Variants in TTC7A observed in about 807,000 individuals in gnomAD.
TTC7A encodes the protein tetratricopeptide repeat protein 7A.
A neutral mutation model predicts 103.7 loss-of-function variants in TTC7A; 110 were observed. The ratio of observed to expected loss-of-function variants is 1.06; its 90% CI spans 0.91 to 1.24. TTC7A has a LOEUF of 1.24. Ranked by LOEUF, TTC7A falls within the 50% of genes most tolerant of loss-of-function variation. The pLI is 0.00. For synonymous variants in TTC7A, 521 were observed against 467.9 expected (o/e 1.11, Z -1.47); for missense variants, 1,340 against 1,116.3 (o/e 1.20, Z -2.86).
intron 1 of TTC7A, among the ~76,000 whole-genome samples, chr2:46,944,112 C>G (rs1356853180): frequency 6.6e-6 from 1 of 152,160 alleles, no homozygotes; most frequent in Non-Finnish European, 1.5e-5. Flanking sequence ...CAGGATGGAG[C>G]AGGGGAACCC....
chr2:46,970,551 C>T (rs748942674), intron 3 of TTC7A, among the ~76,000 whole-genome samples: 7 of 152,360 alleles, frequency 4.6e-5, no homozygotes, highest in Non-Finnish European at 8.8e-5. Context: ...CACATCTCTC[C>T]GGGGACTACA....
chr2:47,028,557 G>C (rs1319897935), intron 14 of TTC7A, among the ~76,000 whole-genome samples: 2 of 152,150 alleles, frequency 1.3e-5, no homozygotes, highest in African/African-American at 2.4e-5. Flanking sequence ...TGGGACCCAT[G>C]GTGACCTCTG....
At chr2:47,063,486 T>C (rs1683951474) in intron 19 of TTC7A, among the ~76,000 whole-genome samples, 1 of 152,248 alleles carries the variant, frequency 6.6e-6, no homozygotes, top group African/African-American at 2.4e-5. Context: ...CTAGCTGTCA[T>C]TCTAGGTCAG....
At chr2:47,024,822 C>T (rs924141883) in intron 14 of TTC7A, among the ~76,000 whole-genome samples, 1 of 152,128 alleles carries the variant, frequency 6.6e-6, no homozygotes, top group Non-Finnish European at 1.5e-5. Context: ...ATAGGGACCT[C>T]CTGTCTGCTG....
intron 15 of TTC7A, among the ~76,000 whole-genome samples, chr2:47,030,950 C>G (rs1680469969): frequency 6.6e-6 from 1 of 152,190 alleles, no homozygotes. Flanking sequence ...GGTTCAAGAC[C>G]AGCCTTGCCA....
intron 2 of TTC7A, among the ~76,000 whole-genome samples, chr2:46,954,089 TAATG>T (rs1340497267): frequency 6.6e-6 from 1 of 152,176 alleles, no homozygotes; most frequent in East Asian, 1.9e-4. Flanking sequence ...GGAAATAAAA[TAATG>T]ACTGGGAAAG....
At chr2:47,012,180 C>G (rs576706411) in intron 11 of TTC7A, among the ~76,000 whole-genome samples, 1 of 152,358 alleles carries the variant, frequency 6.6e-6, no homozygotes, top group East Asian at 1.9e-4. Flanking sequence ...GCTCTTGGGC[C>G]ACGGCACTGG....
intron 3 of TTC7A, chr2:46,958,476 T>C: frequency 1.5e-6 from 2 of 1,304,136 alleles, no homozygotes; most frequent in African/African-American, 1.5e-5. Flanking sequence ...CCCTGTCTCC[T>C]GCTCTCTCCT....
chr2:46,964,213 C>T (rs1000808821), intron 3 of TTC7A, among the ~76,000 whole-genome samples: 4 of 152,210 alleles, frequency 2.6e-5, no homozygotes, highest in Non-Finnish European at 4.4e-5. Context: ...TGAGCCTGAA[C>T]TTGAGGATGA....
At chr2:47,010,888 C>T (rs1442971462) in intron 10 of TTC7A, among the ~76,000 whole-genome samples, 1 of 152,108 alleles carries the variant, frequency 6.6e-6, no homozygotes, top group Non-Finnish European at 1.5e-5. Flanking sequence ...TTAGTAGAGA[C>T]GGGGTTTCAC....
chr2:46,948,960 T>C (rs888640198), intron 1 of TTC7A, among the ~76,000 whole-genome samples: 2 of 152,192 alleles, frequency 1.3e-5, no homozygotes, highest in Non-Finnish European at 2.9e-5. Context: ...ATGGCTTCGC[T>C]GTGGGGTAGT....
chr2:47,038,100 T>A (rs575539666), intron 15 of TTC7A, among the ~76,000 whole-genome samples: 22 of 150,016 alleles, frequency 1.5e-4, no homozygotes, highest in South Asian at 1.1e-3. Context: ...AAAATAAATT[T>A]AAAAAAAAAT....
At chr2:47,060,999 CACCTCCTCCCACA>C (rs1227212282) in intron 19 of TTC7A, 28 bp downstream of exon 19, 1 of 1,555,198 alleles carries the variant, frequency 6.4e-7, no homozygotes, top group Non-Finnish European at 8.7e-7. Context: ...GCGCTCCCAC[CACCTCCTCCCACA>C]GCCTCAGGGC....
rs1343390351 is a variant in TTC7A, at chr2:46,995,155, A to G, written c.1021A>G (p.Asn341Asp). The G allele has an allele frequency of 6.2e-7, 1 of 1,614,046 alleles. No homozygotes were observed. Among genetic ancestry groups the G allele is most frequent in the African/African-American group, 1.3e-5 (1 of 74,932 alleles). ...EGDNLYCPKD[N>D]IEEALLLLLI... ...TTTCAGCCTCTACTGCCCCAAGGAC[A>G]ACATCGAGGAAGCCCTCCTGCTCCT... The change falls in exon 8 of 20, where the codon AAC becomes GAC. Residue 341 changes from asparagine (N) to aspartate (D), a missense_variant. Physicochemically the swap from Asn to Asp is conservative, Grantham distance 23. Coordinates refer to ENST00000319190, the MANE Select transcript of TTC7A (RefSeq NM_020458.4).
chr2:46,941,916 C>A lies in TTC7A; in HGVS notation c.184+191C>A. ...AGAAAAATCACATGTGGTTTGGGGGCTTGGAGGGAAGAGAAACGGCTTTTG... is the reference window on the plus strand; with the variant it reads ...AGAAAAATCACATGTGGTTTGGGGGATTGGAGGGAAGAGAAACGGCTTTTG... On this transcript the variant is annotated intron_variant, in intron 1 of 19. Coordinates refer to ENST00000319190, the MANE Select transcript of TTC7A (RefSeq NM_020458.4). This position sits in a 1 kb window ranked among gnomAD's most constrained non-coding sequence, Gnocchi z 4.2. The A allele has an allele frequency of 1.4e-6, 1 of 705,022 alleles. No homozygotes were observed. Among genetic ancestry groups the A allele is most frequent in the Non-Finnish European group, 2.4e-6 (1 of 425,240 alleles). The allele number at this position is 705,022 out of a possible 1,614,324, so 43.7% of individuals were successfully genotyped here.
chr2:47,046,441 C>T lies in TTC7A; in HGVS notation c.1919+10C>T, dbSNP rs201704252. On this transcript the variant is annotated intron_variant, in intron 16 of 19. Transcript: ENST00000319190. Reference sequence around the variant, plus strand: ...GCTTCTCCCAGCTGGGGTGAGTGGCCGTCATTGTCTCTTGGGTTGCCAGAG... The same window carrying T: ...GCTTCTCCCAGCTGGGGTGAGTGGCTGTCATTGTCTCTTGGGTTGCCAGAG... The T allele has an allele frequency of 1.3e-4, 215 of 1,609,648 alleles. 1 individual carries two copies. In the Middle Eastern group the frequency reaches 4.1e-3, roughly 31 times the overall value.
chr2:47,015,889 A>C (rs940841460), intron 11 of TTC7A, among the ~76,000 whole-genome samples: 2 of 152,036 alleles, frequency 1.3e-5, no homozygotes, highest in African/African-American at 4.8e-5. Context: ...TCCCAGGGAG[A>C]AAAAAAGGGG....
intron 14 of TTC7A, among the ~76,000 whole-genome samples, chr2:47,026,446 G>A (rs1679925475): frequency 6.6e-6 from 1 of 152,212 alleles, no homozygotes; most frequent in Non-Finnish European, 1.5e-5. Context: ...AGCCTGCACA[G>A]AGGCCAGGCT....
upstream of TTC7A, among the ~76,000 whole-genome samples, chr2:46,938,079 A>T (rs1329676344): frequency 1.3e-5 from 2 of 152,132 alleles, no homozygotes; most frequent in Non-Finnish European, 2.9e-5. Flanking sequence ...GGGATTTATT[A>T]TGCAAACAAA....
Sources: allele counts gnomAD v4.1 joint callset (sites outside exome capture counted in the v4.1 genomes callset), GRCh38; gene constraint gnomAD v4.1.1; non-coding constraint Gnocchi (gnomAD v3.1); transcripts MANE v1.5; gene names NCBI Gene and HGNC (gene_info 2026-07-23, HGNC 2026-07-21).